Variants in SLC39A11 observed in about 807,000 individuals in gnomAD.
SLC39A11 encodes zinc transporter ZIP11.
SLC39A11 carries 33 observed loss-of-function variants against 36.1 expected under a neutral mutation model. The ratio of observed to expected loss-of-function variants is 0.91; its 90% CI spans 0.69 to 1.22. The LOEUF (loss-of-function observed/expected upper bound fraction) is 1.22. Ranked by LOEUF, SLC39A11 falls within the 50% of genes most tolerant of loss-of-function variation. The pLI is 0.00. For synonymous variants in SLC39A11, 166 were observed against 170.3 expected (o/e 0.97, Z 0.20); for missense variants, 432 against 430.3 (o/e 1.00, Z -0.03).
At chr17:72,790,118 G>A (rs541662534) in intron 6 of SLC39A11, among the ~76,000 whole-genome samples, 6 of 152,290 alleles carry the variant, frequency 3.9e-5, no homozygotes, top group East Asian at 1.9e-4. Context: ...ATAACAAGCC[G>A]GGTGGGCAGA....
intron 5 of SLC39A11, among the ~76,000 whole-genome samples, chr17:72,880,410 C>A (rs1212423129): frequency 6.6e-6 from 1 of 151,608 alleles, no homozygotes; most frequent in Non-Finnish European, 1.5e-5. Context: ...CTCTACTCCC[C>A]CACAAAAAAA....
chr17:72,887,995 C>A (rs190535172), intron 5 of SLC39A11, among the ~76,000 whole-genome samples: 1 of 152,278 alleles, frequency 6.6e-6, no homozygotes, highest in Non-Finnish European at 1.5e-5. Context: ...CTTGGAAATT[C>A]CATTTCTCTC....
chr17:72,865,580 TA>T (rs1008500376), intron 5 of SLC39A11, among the ~76,000 whole-genome samples: 6 of 149,136 alleles, frequency 4.0e-5, no homozygotes, highest in South Asian at 2.1e-4. Flanking sequence ...AAACCTACTC[TA>T]AAAAAAAATA....
At chr17:72,809,003 C>A (rs1459164225) in intron 6 of SLC39A11, among the ~76,000 whole-genome samples, 2 of 152,196 alleles carry the variant, frequency 1.3e-5, no homozygotes, top group Admixed American at 1.3e-4. Context: ...TCTTTCTCTA[C>A]TGAAACAACA....
At chr17:72,967,191 G>C (rs2087051667) in intron 4 of SLC39A11, among the ~76,000 whole-genome samples, 1 of 152,130 alleles carries the variant, frequency 6.6e-6, no homozygotes, top group African/African-American at 2.4e-5. Flanking sequence ...TGCACGATAA[G>C]TGTAATATGC....
At chr17:72,726,692 T>G (rs2073947798) in intron 7 of SLC39A11, among the ~76,000 whole-genome samples, 1 of 152,222 alleles carries the variant, frequency 6.6e-6, no homozygotes, top group South Asian at 2.1e-4. Flanking sequence ...AATAAAGGGT[T>G]GCTTTGTTAA....
At chr17:72,696,118 G>A (rs926896581) in intron 7 of SLC39A11, among the ~76,000 whole-genome samples, 2 of 152,064 alleles carry the variant, frequency 1.3e-5, no homozygotes, top group Admixed American at 1.3e-4. Context: ...GGAAAAAAGT[G>A]TATATAATTA....
At chr17:72,676,577 C>G (rs897187978) in intron 7 of SLC39A11, among the ~76,000 whole-genome samples, 1 of 152,184 alleles carries the variant, frequency 6.6e-6, no homozygotes, top group Non-Finnish European at 1.5e-5. Flanking sequence ...AGGTGTGAGA[C>G]TGCTGTCCTT....
chr17:72,732,560 G>C (rs1394487495), intron 7 of SLC39A11, among the ~76,000 whole-genome samples: 2 of 152,202 alleles, frequency 1.3e-5, no homozygotes, highest in African/African-American at 4.8e-5. Flanking sequence ...GTTCGGGTCT[G>C]TCTGATGCAT....
chr17:72,928,202 C>T (rs997988209), intron 5 of SLC39A11, among the ~76,000 whole-genome samples: 2 of 152,196 alleles, frequency 1.3e-5, no homozygotes, highest in Admixed American at 6.5e-5. Flanking sequence ...GTTGGTTTTA[C>T]ATGTCTGTCT....
intron 7 of SLC39A11, among the ~76,000 whole-genome samples, chr17:72,709,561 A>C (rs879311595): frequency 1.3e-5 from 2 of 152,222 alleles, no homozygotes; most frequent in African/African-American, 2.4e-5. Context: ...TTAAAACTTG[A>C]TAAAGAAAAA....
intron 4 of SLC39A11, among the ~76,000 whole-genome samples, chr17:73,031,181 T>C (rs886777375): frequency 6.6e-6 from 1 of 151,900 alleles, no homozygotes; most frequent in Non-Finnish European, 1.5e-5. Context: ...ATGCTACAGA[T>C]TGTGGGGGTG....
At chr17:72,740,063 T>TTTTC (rs2074613280) in intron 6 of SLC39A11, among the ~76,000 whole-genome samples, 1 of 82,720 alleles carries the variant, frequency 1.2e-5, no homozygotes, top group South Asian at 3.3e-4. Context: ...TTTCTTTTTT[T>TTTTC]TTTTTTTTTT....
rs543144237 is a variant in SLC39A11, at chr17:72,741,906, G to C, written c.602-5187C>G. Reference sequence around the variant, plus strand: ...AACATCATCAAAAAGAGGTAAGCAAGAATGAGTACCCAGCCGGGCACAGTG... The same window carrying C: ...AACATCATCAAAAAGAGGTAAGCAACAATGAGTACCCAGCCGGGCACAGTG... On this transcript the variant is annotated intron_variant, in intron 6 of 9. Coordinates refer to ENST00000255559, the MANE Select transcript of SLC39A11 (RefSeq NM_139177.4). Among the ~76,000 whole-genome samples, 138 of 152,192 alleles carry C rather than the reference G, an allele frequency of 9.1e-4. 2 individuals are homozygous for C. The South Asian group carries it at 0.028, about 31-fold the overall frequency.
chr17:72,730,646 C>T (rs1373325512), intron 7 of SLC39A11, among the ~76,000 whole-genome samples: 1 of 152,062 alleles, frequency 6.6e-6, no homozygotes, highest in Non-Finnish European at 1.5e-5. Flanking sequence ...AGTAGTTGTC[C>T]TTTTAGATTC....
At chr17:73,004,193 A>T (rs1452230080) in intron 4 of SLC39A11, among the ~76,000 whole-genome samples, 5 of 105,498 alleles carry the variant, frequency 4.7e-5, no homozygotes, top group African/African-American at 1.7e-4. Flanking sequence ...GAAAGAAAGA[A>T]AGAAAGAAAG....
chr17:72,756,494 A>G (rs4793484), intron 6 of SLC39A11, among the ~76,000 whole-genome samples: 62,303 of 152,242 alleles, frequency 0.41, 15,601 homozygotes, highest in Non-Finnish European at 0.56. Flanking sequence ...ACATGGCTGC[A>G]CCTTGAGAAT....
intron 5 of SLC39A11, among the ~76,000 whole-genome samples, chr17:72,894,378 A>G (rs1353696886): frequency 6.7e-6 from 1 of 148,754 alleles, no homozygotes; most frequent in Non-Finnish European, 1.5e-5. Flanking sequence ...AAAAAAAAAA[A>G]AAAAAAAAAG....
At chr17:72,886,284 T>C (rs113665895) in intron 5 of SLC39A11, among the ~76,000 whole-genome samples, 1 of 152,214 alleles carries the variant, frequency 6.6e-6, no homozygotes, top group Non-Finnish European at 1.5e-5. Context: ...ATGTCTTCCA[T>C]GAACTCCAAA....
Sources: allele counts gnomAD v4.1 joint callset (sites outside exome capture counted in the v4.1 genomes callset), GRCh38; gene constraint gnomAD v4.1.1; transcripts MANE v1.5; gene names NCBI Gene and HGNC (gene_info 2026-07-23, HGNC 2026-07-21).